The following GRID2 variants were observed in gnomAD, a reference collection of about 807,000 sequenced individuals.
The protein encoded by GRID2 is glutamate ionotropic receptor delta type subunit 2, also known as glutamate receptor ionotropic, delta-2.
GRID2 carries 33 observed loss-of-function variants against 114.8 expected under a neutral mutation model. The observed-to-expected ratio is 0.29, with a 90% CI of 0.22 to 0.38. The LOEUF (loss-of-function observed/expected upper bound fraction) is 0.38. Ranked by LOEUF, GRID2 falls within the 10% of genes least tolerant of loss-of-function variation. The pLI, the probability that GRID2 is intolerant of heterozygous loss-of-function variation, is 1.00. For synonymous variants in GRID2, 505 were observed against 449.9 expected (o/e 1.12, Z -1.55); for missense variants, 1,184 against 1,257.7 (o/e 0.94, Z 0.89).
intron 2 of GRID2, among the ~76,000 whole-genome samples, chr4:92,763,089 T>C (rs916779063): frequency 2.0e-5 from 3 of 152,224 alleles, no homozygotes; most frequent in Non-Finnish European, 4.4e-5. Context: ...GACTTTTTTT[T>C]ACCCTCTCAG....
intron 11 of GRID2, among the ~76,000 whole-genome samples, chr4:93,458,061 G>A (rs1469187296): frequency 1.3e-5 from 2 of 152,110 alleles, no homozygotes; most frequent in Non-Finnish European, 2.9e-5. Flanking sequence ...GCAAACTCCT[G>A]ATTGAGGACC....
intron 2 of GRID2, among the ~76,000 whole-genome samples, chr4:92,649,897 A>G (rs1731841366): frequency 6.6e-6 from 1 of 152,072 alleles, no homozygotes; most frequent in Non-Finnish European, 1.5e-5. Context: ...TTCATAAGTT[A>G]TAAATATTAT....
At chr4:92,875,057 T>C (rs573089854) in intron 2 of GRID2, among the ~76,000 whole-genome samples, 221 of 151,628 alleles carry the variant, frequency 1.5e-3, no homozygotes, top group Non-Finnish European at 2.7e-3. Context: ...TAGATGTAAA[T>C]ATTGTTTAAA....
chr4:93,650,480 TACTC>T (rs1722489115), intron 14 of GRID2, among the ~76,000 whole-genome samples: 1 of 152,156 alleles, frequency 6.6e-6, no homozygotes, highest in African/African-American at 2.4e-5. Flanking sequence ...GCATATTCCT[TACTC>T]AAAATTACTG....
At chr4:93,627,398 G>A (rs79022000) in intron 14 of GRID2, among the ~76,000 whole-genome samples, 1,664 of 152,128 alleles carry the variant, frequency 0.011, 24 homozygotes, top group African/African-American at 0.037. Context: ...CTAAAAATCA[G>A]TAGTTCACAA....
At chr4:92,675,917 G>T (rs1198421595) in intron 2 of GRID2, among the ~76,000 whole-genome samples, 1 of 151,938 alleles carries the variant, frequency 6.6e-6, no homozygotes, top group Non-Finnish European at 1.5e-5. Context: ...AGCTGAAGTG[G>T]AGGTCACCTA....
chr4:93,007,116 TTAGG>T (rs1721618343), intron 2 of GRID2, among the ~76,000 whole-genome samples: 1 of 151,882 alleles, frequency 6.6e-6, no homozygotes, highest in Admixed American at 6.6e-5. Context: ...GCATCAGCCA[TTAGG>T]TAGCTACAGA....
intron 2 of GRID2, among the ~76,000 whole-genome samples, chr4:92,920,532 G>A (rs1276937143): frequency 6.6e-6 from 1 of 152,106 alleles, no homozygotes; most frequent in Non-Finnish European, 1.5e-5. Flanking sequence ...AGCTCTTTTA[G>A]GGCAGGCCTG....
At chr4:93,260,074 A>C (rs1180211634) in intron 8 of GRID2, among the ~76,000 whole-genome samples, 1 of 151,650 alleles carries the variant, frequency 6.6e-6, no homozygotes, top group East Asian at 1.9e-4. Flanking sequence ...AAATTATTCT[A>C]CCTTGAATTG....
intron 14 of GRID2, among the ~76,000 whole-genome samples, chr4:93,751,866 A>C (rs1286481784): frequency 4.6e-5 from 7 of 151,510 alleles, no homozygotes; most frequent in Admixed American, 1.3e-4. Context: ...CCGCCTCCTT[A>C]TTTTCCTAGG....
chr4:93,556,518 A>G (rs1734328227), intron 13 of GRID2, among the ~76,000 whole-genome samples: 1 of 152,216 alleles, frequency 6.6e-6, no homozygotes, highest in Non-Finnish European at 1.5e-5. Context: ...GAGATTGAAG[A>G]TCAACTTAAT....
intron 8 of GRID2, among the ~76,000 whole-genome samples, chr4:93,303,352 A>C: frequency 6.6e-6 from 1 of 152,194 alleles, no homozygotes; most frequent in East Asian, 1.9e-4. Context: ...TTACAAATAT[A>C]TCTTCCCCAG....
chr4:93,121,871 A>AT (rs1372634852), intron 4 of GRID2, among the ~76,000 whole-genome samples: 1 of 151,960 alleles, frequency 6.6e-6, no homozygotes, highest in African/African-American at 2.4e-5. Context: ...TTTAATTTGC[A>AT]TTTTTCTGAT....
Position 92,834,857 on chromosome 4 carries a change from C to G in GRID2, c.244+244571C>G, listed in dbSNP as rs952489648. On this transcript the variant is annotated intron_variant, in intron 2 of 15. Coordinates refer to ENST00000282020, the MANE Select transcript of GRID2 (RefSeq NM_001510.4). ...AGGGATGAGAAAGTGTGAAAAGACA[C>G]GTGCAGAATGTTCTGGGAATGAGAT... is the stretch of plus-strand genomic sequence containing the variant. Among the ~76,000 whole-genome samples, 5 of 151,980 alleles carry G rather than the reference C, an allele frequency of 3.3e-5. No individual in the cohort carries two copies. In the South Asian group the frequency reaches 8.3e-4, roughly 25 times the overall value.
At chr4:93,341,168 A>T (rs1759609492) in intron 8 of GRID2, among the ~76,000 whole-genome samples, 1 of 152,142 alleles carries the variant, frequency 6.6e-6, no homozygotes, top group African/African-American at 2.4e-5. Flanking sequence ...AACATATATA[A>T]TTTAAAATTT....
At chr4:93,687,849 A>G (rs1726210150) in intron 14 of GRID2, among the ~76,000 whole-genome samples, 1 of 152,034 alleles carries the variant, frequency 6.6e-6, no homozygotes, top group African/African-American at 2.4e-5. Context: ...GCTAAGTTTT[A>G]AGATTATAAA....
At chr4:92,544,547 T>C (rs954192881) in intron 1 of GRID2, among the ~76,000 whole-genome samples, 18 of 152,116 alleles carry the variant, frequency 1.2e-4, no homozygotes, top group Admixed American at 4.6e-4. Flanking sequence ...TTTAATTGAT[T>C]TTTTGAAGCC....
At chr4:93,740,987 A>G (rs946626547) in intron 14 of GRID2, among the ~76,000 whole-genome samples, 1 of 151,440 alleles carries the variant, frequency 6.6e-6, no homozygotes, top group Non-Finnish European at 1.5e-5. Context: ...TGAAAGCAAT[A>G]AAGAGTATTT....
chr4:93,657,532 A>T (rs966882196), intron 14 of GRID2, among the ~76,000 whole-genome samples: 1 of 152,192 alleles, frequency 6.6e-6, no homozygotes, highest in African/African-American at 2.4e-5. Context: ...CTGGATAAAA[A>T]CATGCACACA....
Sources: allele counts gnomAD v4.1 joint callset (sites outside exome capture counted in the v4.1 genomes callset), GRCh38; gene constraint gnomAD v4.1.1; transcripts MANE v1.5; gene names NCBI Gene and HGNC (gene_info 2026-07-23, HGNC 2026-07-21).